SCYL2: variants seen among roughly 807,000 people sequenced by gnomAD.
SCYL2 encodes the protein SCY1-like protein 2.
SCYL2 carries 36 observed loss-of-function variants against 100.4 expected under a neutral mutation model. The observed-to-expected ratio is 0.36, with a 90% CI of 0.27 to 0.47. The LOEUF is 0.47. Among genes scored for constraint, SCYL2 ranks in the 20% least tolerant of loss-of-function variants. SCYL2 has a pLI of 1.00. For missense variants in SCYL2, 902 were observed against 1,083.9 expected, an observed-to-expected ratio of 0.83 and a Z score of 2.36; for synonymous variants, 330 against 359.2, an observed-to-expected ratio of 0.92 and a Z score of 0.92.
rs565147603 is a variant in SCYL2, at chr12:100,282,223, C to T, written c.-28-720C>T. The stretch of plus-strand genomic sequence containing the variant: ...TAATTTTTGTAGAGATGGTTTTTCG[C>T]CACATTGGCCAGACTGATTTTGAAC... On this transcript the variant is annotated intron_variant, in intron 1 of 17. Transcript: ENST00000360820. 1.0e-4 allele frequency among the ~76,000 whole-genome samples: 15 copies of T among 145,814 alleles called. No homozygotes were observed. In the East Asian group the frequency reaches 2.9e-3, roughly 28 times the overall value.
At chr12:100,288,927 G>T (rs1405133830) in intron 2 of SCYL2, among the ~76,000 whole-genome samples, 1 of 151,580 alleles carries the variant, frequency 6.6e-6, no homozygotes, top group East Asian at 1.9e-4. Context: ...TGCTGCCCAG[G>T]CTCCAAAGTG....
At chr12:100,314,771 A>G (rs2096346470) in intron 8 of SCYL2, among the ~76,000 whole-genome samples, 157 bp downstream of exon 8, 1 of 152,224 alleles carries the variant, frequency 6.6e-6, no homozygotes, top group Non-Finnish European at 1.5e-5. Flanking sequence ...AGTTCAGTGG[A>G]CCTTTTTTTG....
intron 1 of SCYL2, among the ~76,000 whole-genome samples, chr12:100,271,260 C>CA (rs11354103): frequency 0.021 from 1,743 of 83,038 alleles, 67 homozygotes; most frequent in African/African-American, 0.07. Flanking sequence ...TGCAGAGCAG[C>CA]AAAAAAAAAA....
chr12:100,302,768 T>C (rs1489231784), intron 4 of SCYL2, among the ~76,000 whole-genome samples: 2 of 152,232 alleles, frequency 1.3e-5, no homozygotes, highest in Admixed American at 6.5e-5. Flanking sequence ...TGTGGTGTTC[T>C]CTGTATTTCC....
At chr12:100,304,204 G>A (rs2096331218) in intron 4 of SCYL2, among the ~76,000 whole-genome samples, 1 of 152,148 alleles carries the variant, frequency 6.6e-6, no homozygotes, top group Non-Finnish European at 1.5e-5. Context: ...CCTTGGGGGT[G>A]GGATCTGCTG....
chr12:100,341,001 TA>T lies in SCYL2; in HGVS notation c.*1831del, dbSNP rs1173759550. 6.6e-6 allele frequency: 1 copy of T among 152,072 alleles called. No individual in the cohort carries two copies. The highest frequency in any genetic ancestry group is 1.5e-5 in the Non-Finnish European group (1 of 67,930). 9.4% of individuals were successfully genotyped at this position (152,072 alleles called of 1,614,324 possible). On this transcript the variant is annotated 3_prime_UTR_variant, in exon 18 of 18. Transcript: ENST00000360820. ...AGAAATTGTTTTTTATTTTGTAAAA[TA>T]ACATGATGTTAGTGTTGAACTCTTA...
chr12:100,333,612 AG>A (rs1488473333), intron 13 of SCYL2: 4 of 152,324 alleles, frequency 2.6e-5, no homozygotes, highest in African/African-American at 4.8e-5. Flanking sequence ...AATTAACCAA[AG>A]CTTAAACTAT....
Position 100,278,765 on chromosome 12 carries a change from G to A in SCYL2, c.-28-4178G>A, listed in dbSNP as rs545501815. 2.0e-5 allele frequency among the ~76,000 whole-genome samples: 3 copies of A among 151,946 alleles called. No individual in the cohort carries two copies. In the South Asian group the frequency reaches 6.3e-4, roughly 32 times the overall value. On this transcript the variant is annotated intron_variant, in intron 1 of 17. Transcript: ENST00000360820. The stretch of plus-strand genomic sequence containing the variant: ...CTGCCTCAGCCTCCTGAGTAGCTGG[G>A]ACTACAGGCGCGTACCACCATGCCC...
Position 100,323,612 on chromosome 12 carries a change from G to A in SCYL2, c.1483G>A (p.Ala495Thr). Residue 495 changes from alanine to threonine, a missense_variant, in exon 11 of 18, where the codon GCT becomes ACT. Physicochemically the swap from Ala to Thr is moderately conservative, Grantham distance 58. Coordinates refer to ENST00000360820, the MANE Select transcript of SCYL2 (RefSeq NM_017988.6). Reference protein sequence around the residue: ...KNALIPRIKNACLQTSSLAVR... With the variant: ...KNALIPRIKNTCLQTSSLAVR... ...CGCTTTGATACCAAGAATTAAAAAT[G>A]CTTGTCTACAAACATCTTCCCTTGC... 1 of 1,595,864 alleles carries A rather than the reference G, an allele frequency of 6.3e-7. No individual in the cohort carries two copies. The highest frequency in any genetic ancestry group is 1.1e-5 in the South Asian group (1 of 89,014).
At chr12:100,282,568 G>T (rs1018949522) in intron 1 of SCYL2, among the ~76,000 whole-genome samples, 1 of 151,978 alleles carries the variant, frequency 6.6e-6, no homozygotes, top group Non-Finnish European at 1.5e-5. Flanking sequence ...CAGGTGATCC[G>T]CTTGCCTTGG....
chr12:100,295,576 GCAATCGCAGGC>G (rs1394556998), intron 3 of SCYL2, among the ~76,000 whole-genome samples: 1 of 151,774 alleles, frequency 6.6e-6, no homozygotes, highest in Non-Finnish European at 1.5e-5. Flanking sequence ...GCGCGTGCCT[GCAATCGCAGGC>G]ACTCGGCAGG....
chr12:100,306,315 C>T (rs12831531), intron 4 of SCYL2, among the ~76,000 whole-genome samples: 3,152 of 152,256 alleles, frequency 0.021, 45 homozygotes, highest in Non-Finnish European at 0.034. Flanking sequence ...ATGATCAAGT[C>T]GGCTTCATCC....
At chr12:100,275,381 T>G (rs2096291488) in intron 1 of SCYL2, among the ~76,000 whole-genome samples, 1 of 152,044 alleles carries the variant, frequency 6.6e-6, no homozygotes, top group Non-Finnish European at 1.5e-5. Flanking sequence ...TTTAAAAACT[T>G]TTTGGAGTCT....
At chr12:100,298,343 C>T (rs548161373) in intron 4 of SCYL2, among the ~76,000 whole-genome samples, 168 bp downstream of exon 4, 5 of 152,010 alleles carry the variant, frequency 3.3e-5, no homozygotes, top group Non-Finnish European at 7.4e-5. Context: ...GTTTGTTGTT[C>T]GGGTTAAATA....
At position 100,267,423 on chromosome 12, in the gene SCYL2, C is replaced by A. The variant is rs567843787; in HGVS notation, c.-398C>A. ...TAAGTGACCGGCCGCCGGCACCGACCGACCTCCCTCACCGGCGGCTCTCTC... is the reference window on the plus strand; with the variant it reads ...TAAGTGACCGGCCGCCGGCACCGACAGACCTCCCTCACCGGCGGCTCTCTC... On this transcript the variant is annotated 5_prime_UTR_variant, in exon 1 of 18. Transcript: ENST00000360820. 2.6e-5 allele frequency: 5 copies of A among 192,228 alleles called. No homozygotes were observed. The South Asian group carries it at 4.2e-4, about 16-fold the overall frequency. 11.9% of individuals were successfully genotyped at this position (192,228 alleles called of 1,614,324 possible).
At chr12:100,318,620 T>C (rs79605315) in intron 10 of SCYL2, among the ~76,000 whole-genome samples, 34,236 of 152,094 alleles carry the variant, frequency 0.23, 4,342 homozygotes, top group African/African-American at 0.33. Flanking sequence ...GCCTGAGCCA[T>C]TGGGCGTGGC....
chr12:100,337,298 A>G, intron 16 of SCYL2, 89 bp from the exon 17 acceptor site: 1 of 1,527,856 alleles, frequency 6.5e-7, no homozygotes, highest in Middle Eastern at 1.9e-4. Flanking sequence ...TGAAGTAGTA[A>G]GATGTACTTT....
chr12:100,335,146 A>G (rs1952259460), intron 14 of SCYL2, among the ~76,000 whole-genome samples: 1 of 152,078 alleles, frequency 6.6e-6, no homozygotes, highest in Non-Finnish European at 1.5e-5. Flanking sequence ...GTAGAAATAA[A>G]TTTTTAATAA....
chr12:100,282,350 CA>C, intron 1 of SCYL2, among the ~76,000 whole-genome samples: 1 of 101,842 alleles, frequency 9.8e-6, no homozygotes, highest in South Asian at 3.1e-4. Context: ...TTTTGAGATG[CA>C]GTCTCACTCT....
Sources: allele counts gnomAD v4.1 joint callset (sites outside exome capture counted in the v4.1 genomes callset), GRCh38; gene constraint gnomAD v4.1.1; transcripts MANE v1.5; gene names NCBI Gene and HGNC (gene_info 2026-07-23, HGNC 2026-07-21).